SHTN1: variants seen among roughly 807,000 people sequenced by gnomAD.
The protein encoded by SHTN1 is shootin-1.
Under a neutral mutation model 83.1 loss-of-function variants are expected in SHTN1, and 42 were observed. That is an observed-to-expected ratio of 0.51 (90% confidence interval 0.39 to 0.65). The LOEUF is 0.65. Among genes scored for constraint, SHTN1 ranks in the 30% least tolerant of loss-of-function variants. The probability of loss-of-function intolerance (pLI) is 0.00; values close to 1 mark genes in which losing one functional copy is unlikely to be tolerated. For missense variants in SHTN1, 622 were observed against 737.8 expected, an observed-to-expected ratio of 0.84 and a Z score of 1.82; for synonymous variants, 224 against 247.7, an observed-to-expected ratio of 0.90 and a Z score of 0.90.
At chr10:116,893,737 C>T (rs2133308211) in intron 16 of SHTN1, among the ~76,000 whole-genome samples, 1 of 152,236 alleles carries the variant, frequency 6.6e-6, no homozygotes, top group East Asian at 1.9e-4. Context: ...GACCCCAAAC[C>T]TCTCTTAAGG....
intron 2 of SHTN1, among the ~76,000 whole-genome samples, chr10:117,022,413 G>C (rs1389931000): frequency 6.6e-6 from 1 of 152,076 alleles, no homozygotes; most frequent in Non-Finnish European, 1.5e-5. Context: ...TTATTTATTA[G>C]TTGAAAATAT....
At chr10:116,897,822 T>C (rs761391413) in intron 16 of SHTN1, among the ~76,000 whole-genome samples, 4 of 152,128 alleles carry the variant, frequency 2.6e-5, no homozygotes, top group Non-Finnish European at 5.9e-5. Flanking sequence ...GTCTTGGAAA[T>C]AACTGGATGC....
At chr10:117,015,821 G>T (rs1852174000) in intron 2 of SHTN1, among the ~76,000 whole-genome samples, 1 of 152,178 alleles carries the variant, frequency 6.6e-6, no homozygotes, top group Non-Finnish European at 1.5e-5. Flanking sequence ...TCTTCAGGCT[G>T]TGTTCCTATT....
rs1361694418 is a variant in SHTN1 at position 116,901,749 on chromosome 10, G to C, written c.1673+16C>G. ...ATTCTTCTATACACCACTTAGTAAA[G>C]AGCATCGTTACTTACTGAAACGTAA... On this transcript the variant is annotated intron_variant, in intron 16 of 16. Transcript: ENST00000355371. 1 of 1,570,950 alleles carries C rather than the reference G, an allele frequency of 6.4e-7. No homozygotes were observed. Among genetic ancestry groups the C allele is most frequent in the Non-Finnish European group, 8.6e-7 (1 of 1,164,056 alleles).
chr10:117,113,070 G>T (rs1287468888), intron 1 of SHTN1, among the ~76,000 whole-genome samples: 1 of 152,176 alleles, frequency 6.6e-6, no homozygotes, highest in Admixed American at 6.5e-5. Flanking sequence ...GATTTATCAC[G>T]ATTAGGTCTG....
intron 1 of SHTN1, among the ~76,000 whole-genome samples, chr10:116,988,817 G>A (rs1851314718): frequency 6.6e-6 from 1 of 152,064 alleles, no homozygotes; most frequent in Non-Finnish European, 1.5e-5. Flanking sequence ...TGGGATTATA[G>A]GCATGAACCA....
chr10:117,095,735 T>C (rs1947797), intron 1 of SHTN1, among the ~76,000 whole-genome samples: 2,226 of 152,366 alleles, frequency 0.015, 21 homozygotes, highest in Non-Finnish European at 0.025. Flanking sequence ...ATGATCATCA[T>C]CATTCTTTTG....
intron 2 of SHTN1, among the ~76,000 whole-genome samples, chr10:117,014,001 A>T (rs1852144725): frequency 6.6e-6 from 1 of 152,224 alleles, no homozygotes; most frequent in South Asian, 2.1e-4. Flanking sequence ...TACAGTGTAT[A>T]CAGATCTTGA....
At chr10:117,053,031 G>A (rs372450702) in intron 1 of SHTN1, among the ~76,000 whole-genome samples, 1,812 of 45,750 alleles carry the variant, frequency 0.04, 6 homozygotes, top group Middle Eastern at 0.1. Context: ...AAAAAAAAAA[G>A]AATTAAGAAT....
At position 117,037,998 on chromosome 10, in the gene SHTN1, C is replaced by CAAA. The variant is rs71013632; in HGVS notation, c.-123+10444_-123+10446dup. Among the ~76,000 whole-genome samples, 462 of 75,432 alleles carry CAAA rather than the reference C, an allele frequency of 6.1e-3. 33 individuals carry two copies. Among genetic ancestry groups the CAAA allele is most frequent in the African/African-American group, 0.022 (414 of 18,466 alleles). 49.5% of individuals were successfully genotyped at this position (75,432 alleles called of 152,430 possible). A position where few individuals can be genotyped will look rare whatever the true frequency, so the allele number is the denominator to read the frequency against. ...CCAGCCTGGTGACAGAGCGAGACTTCAAAAAAAAAAAAAAAAAAAAAAATC... is the reference window on the plus strand; with the variant it reads ...CCAGCCTGGTGACAGAGCGAGACTTCAAAAAAAAAAAAAAAAAAAAAAAAAATC... On this transcript the variant is annotated intron_variant, in intron 2 of 17. Transcript: ENST00000392901.
At chr10:116,967,981 G>A (rs1484584979) in intron 3 of SHTN1, among the ~76,000 whole-genome samples, 2 of 152,066 alleles carry the variant, frequency 1.3e-5, no homozygotes, top group Non-Finnish European at 2.9e-5. Flanking sequence ...CAAGAGACCA[G>A]GACCATCCTG....
intron 3 of SHTN1, among the ~76,000 whole-genome samples, chr10:116,965,460 C>T (rs1272610934): frequency 2.6e-5 from 4 of 152,112 alleles, no homozygotes; most frequent in Admixed American, 2.0e-4. Context: ...GAGGTCGCAG[C>T]GAGCAGAGAT....
At chr10:116,947,428 G>A (rs573695906) in intron 7 of SHTN1, among the ~76,000 whole-genome samples, 11 of 152,258 alleles carry the variant, frequency 7.2e-5, no homozygotes, top group East Asian at 1.9e-4. Flanking sequence ...GGTTTGCTGC[G>A]TAATGACATA....
chr10:117,046,894 G>A (rs890775078), intron 2 of SHTN1, among the ~76,000 whole-genome samples: 1 of 151,874 alleles, frequency 6.6e-6, no homozygotes, highest in Non-Finnish European at 1.5e-5. Flanking sequence ...TTCTTTCTGG[G>A]ATAATGAAAA....
rs1360270868 is a variant in SHTN1 at position 116,881,929 on chromosome 10, C to T, written c.*4415G>A. The T allele has an allele frequency of 2.8e-5, 9 of 325,208 alleles. No individual in the cohort carries two copies. Among genetic ancestry groups the T allele is most frequent in the East Asian group, 4.9e-5 (1 of 20,410 alleles). 20.1% of individuals were successfully genotyped at this position (325,208 alleles called of 1,614,324 possible). ...CTCTCCTGTCCATTTTTCAGGGACA[C>T]GCTCCAGTAAAAGAGGCCAATATTT... On this transcript the variant is annotated 3_prime_UTR_variant, in exon 17 of 17. Transcript: ENST00000355371.
At chr10:117,122,148 CTTTA>C (rs1350634019) in intron 1 of SHTN1, among the ~76,000 whole-genome samples, 2 of 151,674 alleles carry the variant, frequency 1.3e-5, no homozygotes, top group Non-Finnish European at 3.0e-5. Context: ...TTTGTATTTA[CTTTA>C]TTTTTTATTT....
At chr10:116,988,549 A>AT (rs1379710549) in intron 1 of SHTN1, among the ~76,000 whole-genome samples, 3 of 140,418 alleles carry the variant, frequency 2.1e-5, no homozygotes, top group Non-Finnish European at 3.2e-5. Context: ...TTATTTATTT[A>AT]TTTATTTTAT....
At position 116,884,159 on chromosome 10, in the gene SHTN1, G is replaced by A. The variant is rs2257791; in HGVS notation, c.*2185C>T. The A allele has an allele frequency of 0.73, 330,648 of 451,662 alleles. 121,787 individuals are homozygous for A. Among genetic ancestry groups the A allele is most frequent in the Non-Finnish European group, 0.76 (168,733 of 223,444 alleles). The allele number at this position is 451,662 out of a possible 1,614,324, so 28.0% of individuals were successfully genotyped here. The stretch of plus-strand genomic sequence containing the variant: ...CAACTTAAAATTGTGTAAGCAGGAC[G>A]TATGTAAGTTTTGTGTGTGCAATAG... On this transcript the variant is annotated 3_prime_UTR_variant, in exon 17 of 17. Transcript: ENST00000355371.
At chr10:116,928,462 T>C (rs936788287) in intron 10 of SHTN1, among the ~76,000 whole-genome samples, 1 of 152,178 alleles carries the variant, frequency 6.6e-6, no homozygotes, top group African/African-American at 2.4e-5. Flanking sequence ...AAGTCTTTCA[T>C]GAGGAAGGCA....
Sources: gnomAD v4.1 joint callset for allele counts (sites outside exome capture counted in the v4.1 genomes callset) on GRCh38, gnomAD v4.1.1 for gene constraint, MANE v1.5 for transcripts, NCBI Gene and HGNC (gene_info 2026-07-23, HGNC 2026-07-21) for gene names.